ZSCAN20: variants seen among roughly 807,000 people sequenced by gnomAD.
The protein encoded by ZSCAN20 is zinc finger and SCAN domain containing 20.
A neutral mutation model predicts 97.1 loss-of-function variants in ZSCAN20; 39 were observed. The observed-to-expected ratio is 0.40, with a 90% CI of 0.31 to 0.52. The LOEUF is 0.52. Among genes scored for constraint, ZSCAN20 ranks in the 20% least tolerant of loss-of-function variants. The probability of loss-of-function intolerance (pLI) is 0.49; values close to 1 mark genes in which losing one functional copy is unlikely to be tolerated. For missense variants in ZSCAN20, 1,115 were observed against 1,290.4 expected, an observed-to-expected ratio of 0.86 and a Z score of 2.08; for synonymous variants, 456 against 467.3, an observed-to-expected ratio of 0.98 and a Z score of 0.31.
rs1267356124 is a variant in ZSCAN20 at position 33,495,374 on chromosome 1, A to G, written c.3030A>G (p.Thr1010=). The G allele has an allele frequency of 3.1e-6, 5 of 1,612,852 alleles. No homozygotes were observed. The Admixed American group carries it at 5.0e-5, about 16-fold the overall frequency. Reference sequence around the variant, plus strand: ...TTATTATTCACCAGAGAATCCACACAGGGGAGAAACCCTACAAGTGCACAG... The same window carrying G: ...TTATTATTCACCAGAGAATCCACACGGGGGAGAAACCCTACAAGTGCACAG... The part of the protein sequence containing the change: ...SSLIIHQRIH[T]GEKPYKCTEC... Residue 1010 remains threonine, a synonymous_variant, in exon 8 of 8, where the codon ACA becomes ACG. Transcript: ENST00000684572.
chr1:33,492,214 G>A (rs969200728), intron 6 of ZSCAN20: 1 of 152,590 alleles, frequency 6.6e-6, no homozygotes, highest in African/African-American at 2.4e-5. Context: ...TCCATGAGAT[G>A]AGGCGTCTTA....
In ZSCAN20 at chr1:33,501,085, C is replaced by T. The variant is rs760050319; in HGVS notation, c.*5609C>T. On this transcript the variant is annotated 3_prime_UTR_variant, in exon 8 of 8. Coordinates refer to ENST00000684572, the MANE Select transcript of ZSCAN20 (RefSeq NM_001377376.1). The stretch of plus-strand genomic sequence containing the variant: ...GAAACCCTCCACTGCAGACTTCACC[C>T]AGGGGGCAAGGCAGGAGAGAATCCC... 3.3e-5 allele frequency among the ~76,000 whole-genome samples: 5 copies of T among 152,132 alleles called. No homozygotes were observed. The highest frequency in any genetic ancestry group is 7.3e-5 in the Non-Finnish European group (5 of 68,032).
Position 33,496,489 on chromosome 1 carries a change from G to C in ZSCAN20, c.*1013G>C, listed in dbSNP as rs949056745. 1 of 152,146 alleles carries C rather than the reference G, an allele frequency of 6.6e-6. No homozygotes were observed. Among genetic ancestry groups the C allele is most frequent in the African/African-American group, 2.4e-5 (1 of 41,418 alleles). 9.4% of individuals were successfully genotyped at this position (152,146 alleles called of 1,614,324 possible). On this transcript the variant is annotated 3_prime_UTR_variant, in exon 8 of 8. Coordinates refer to ENST00000684572, the MANE Select transcript of ZSCAN20 (RefSeq NM_001377376.1). Reference sequence around the variant, plus strand: ...TAATATGGGTGAGAGATATAGGTGGGTTGAGATTGGGAAAAATATGCGGCC... The same window carrying C: ...TAATATGGGTGAGAGATATAGGTGGCTTGAGATTGGGAAAAATATGCGGCC...
intron 2 of ZSCAN20, among the ~76,000 whole-genome samples, chr1:33,485,703 G>A (rs1307410027): frequency 1.3e-5 from 2 of 152,016 alleles, no homozygotes; most frequent in East Asian, 3.9e-4. Flanking sequence ...GTGAGCCATC[G>A]TGCCTGGACT....
rs1415426638 is a variant in ZSCAN20 at position 33,497,033 on chromosome 1, T to G, written c.*1557T>G. Among the ~76,000 whole-genome samples, 1 of 152,216 alleles carries G rather than the reference T, an allele frequency of 6.6e-6. No homozygotes were observed. Among genetic ancestry groups the G allele is most frequent in the African/African-American group, 2.4e-5 (1 of 41,450 alleles). On this transcript the variant is annotated 3_prime_UTR_variant, in exon 8 of 8. Transcript: ENST00000684572. ...GGAAAATCCCCCTCCTGCCATCCTCTTATGACACTAGGATGTATTCATAAC... is the reference window on the plus strand; with the variant it reads ...GGAAAATCCCCCTCCTGCCATCCTCGTATGACACTAGGATGTATTCATAAC...
rs201540685 is a variant in ZSCAN20 at position 33,494,302 on chromosome 1, C to T, written c.1958C>T (p.Pro653Leu). Residue 653 changes from proline (P) to leucine (L), a missense_variant, in exon 8 of 8, where the codon CCT (proline) becomes CTT (leucine). Pro to Leu is a moderately conservative substitution (Grantham distance 98, BLOSUM62 -3). Around this residue, in one of 3 missense-constraint regions of ZSCAN20, gnomAD observed 554 missense variants for 584.9 expected, o/e 0.95. Transcript: ENST00000684572. The stretch of plus-strand genomic sequence containing the variant: ...TTGCCTGGAGCCTTATCAAAATGTC[C>T]TACAGAAGCTGTTTGCCAACCTCTT... Reference protein sequence around the residue: ...EGLPGALSKCPTEAVCQPLDW... With the variant: ...EGLPGALSKCLTEAVCQPLDW... 9 of 1,613,998 alleles carry T rather than the reference C, an allele frequency of 5.6e-6. No homozygotes were observed. The highest frequency in any genetic ancestry group is 7.6e-6 in the Non-Finnish European group (9 of 1,179,966).
At chr1:33,489,283 C>T (rs949111852) in intron 4 of ZSCAN20, 92 bp downstream of exon 4, 3 of 1,366,068 alleles carry the variant, frequency 2.2e-6, no homozygotes, top group Non-Finnish European at 3.1e-6. Context: ...GACCTCTGCT[C>T]AGCAAAAGGG....
Position 33,493,621 on chromosome 1 carries a change from C to T in ZSCAN20, c.1873+6C>T, listed in dbSNP as rs545718283. 1.9e-6 allele frequency: 3 copies of T among 1,544,728 alleles called. No individual in the cohort carries two copies. In the African/African-American group the frequency reaches 4.1e-5, roughly 21 times the overall value. On this transcript the variant is annotated splice_donor_region_variant and intron_variant, in intron 7 of 7. Transcript: ENST00000684572. The surrounding 1 kb of genome is among the most constrained non-coding windows in gnomAD (Gnocchi z 4.3). Reference sequence around the variant, plus strand: ...TCCTAAAGCCCCAGACATGGGTAAGCCTGGAGTAATTGGATGTTCTCAAAA... The same window carrying T: ...TCCTAAAGCCCCAGACATGGGTAAGTCTGGAGTAATTGGATGTTCTCAAAA...
At position 33,489,104 on chromosome 1, in the gene ZSCAN20, C is replaced by T; in HGVS notation, c.605-11C>T. 4 of 1,604,338 alleles carry T rather than the reference C, an allele frequency of 2.5e-6. No individual in the cohort carries two copies. The highest frequency in any genetic ancestry group is 3.4e-6 in the Non-Finnish European group (4 of 1,174,214). Reference sequence around the variant, plus strand: ...AGAGCTTGGGTTTCAGTGACTTTTTCTTTTCCTCAGCTGTCCTCACTCCCC... The same window carrying T: ...AGAGCTTGGGTTTCAGTGACTTTTTTTTTTCCTCAGCTGTCCTCACTCCCC... On this transcript the variant is annotated splice_polypyrimidine_tract_variant and intron_variant, in intron 3 of 7. Coordinates refer to ENST00000684572, the MANE Select transcript of ZSCAN20 (RefSeq NM_001377376.1).
In ZSCAN20 at chr1:33,495,326, A is replaced by G; in HGVS notation, c.2982A>G (p.Lys994=). 1 of 1,613,546 alleles carries G rather than the reference A, an allele frequency of 6.2e-7. No individual in the cohort carries two copies. Among genetic ancestry groups the G allele is most frequent in the Non-Finnish European group, 8.5e-7 (1 of 1,179,628 alleles). The change falls in exon 8 of 8, where the codon AAA becomes AAG. Residue 994 remains lysine, a synonymous_variant. Transcript: ENST00000684572. ...CGTATAAGTGCAGAGAGTGTGGGAAATGCTTTAACCAGAGCTCCAGTCTTA... is the reference window on the plus strand; with the variant it reads ...CGTATAAGTGCAGAGAGTGTGGGAAGTGCTTTAACCAGAGCTCCAGTCTTA... ...EKPYKCRECG[K]CFNQSSSLII...
rs1290173278 is a variant in ZSCAN20, at chr1:33,500,795, T to C, written c.*5319T>C. Among the ~76,000 whole-genome samples the C allele has an allele frequency of 6.6e-6, 1 of 151,494 alleles. No homozygotes were observed. Among genetic ancestry groups the C allele is most frequent in the African/African-American group, 2.4e-5 (1 of 41,182 alleles). ...TCTCTAAGCTGGTCCTGGAGCAGCA[T>C]GACAGATGTATCTGAGCCCAAGCAG... On this transcript the variant is annotated 3_prime_UTR_variant, in exon 8 of 8. Coordinates refer to ENST00000684572, the MANE Select transcript of ZSCAN20 (RefSeq NM_001377376.1).
chr1:33,487,304 G>C (rs1313791310), intron 2 of ZSCAN20, among the ~76,000 whole-genome samples: 1 of 152,114 alleles, frequency 6.6e-6, no homozygotes, highest in Non-Finnish European at 1.5e-5. Context: ...TAAAAGTTAG[G>C]TGTTTCTATA....
rs200292603 is a variant in ZSCAN20, at chr1:33,495,062, C to G, written c.2718C>G (p.Ala906=). ...CGGGAGAGAAACCATATGAATGTGC[C>G]GAATGTGGGAAAAGCTTCAGTAAGA... The part of the protein sequence containing the change: ...IHTGEKPYEC[A]ECGKSFSKSS... The change falls in exon 8 of 8, where the codon GCC becomes GCG. Residue 906 remains alanine, a synonymous_variant. Transcript: ENST00000684572. 1.2e-6 allele frequency: 2 copies of G among 1,611,692 alleles called. No individual in the cohort carries two copies. Among genetic ancestry groups the G allele is most frequent in the Admixed American group, 3.3e-5 (2 of 59,840 alleles).
intron 2 of ZSCAN20, among the ~76,000 whole-genome samples, chr1:33,487,356 G>T (rs1474694947): frequency 1.3e-5 from 2 of 152,180 alleles, no homozygotes; most frequent in East Asian, 3.8e-4. Context: ...TATAGCCTGG[G>T]TAACACCTTG....
intron 1 of ZSCAN20, among the ~76,000 whole-genome samples, chr1:33,477,531 A>G (rs1435649263): frequency 6.6e-6 from 1 of 151,914 alleles, no homozygotes; most frequent in East Asian, 1.9e-4. Context: ...TGGGACACAC[A>G]TAGATACGCA....
chr1:33,491,794 C>A lies in ZSCAN20; in HGVS notation c.1444+92C>A. ...TGAGGTCAGGGCACAGGCTGCAAGT[C>A]TGGATTGAAGCCACTAGAGTGAAGA... On this transcript the variant is annotated intron_variant, in intron 6 of 7. Coordinates refer to ENST00000684572, the MANE Select transcript of ZSCAN20 (RefSeq NM_001377376.1). This position sits in a 1 kb window ranked among gnomAD's most constrained non-coding sequence, Gnocchi z 4.3. The A allele has an allele frequency of 7.4e-7, 1 of 1,359,660 alleles. No homozygotes were observed. The highest frequency in any genetic ancestry group is 1.5e-5 in the South Asian group (1 of 65,446). 84.2% of individuals were successfully genotyped at this position (1,359,660 alleles called of 1,614,324 possible). A position where few individuals can be genotyped will look rare whatever the true frequency, so the allele number is the denominator to read the frequency against.
At position 33,493,480 on chromosome 1, in the gene ZSCAN20, A is replaced by G. The variant is rs760956186; in HGVS notation, c.1738A>G (p.Thr580Ala). 1 of 1,614,062 alleles carries G rather than the reference A, an allele frequency of 6.2e-7. No individual in the cohort carries two copies. The highest frequency in any genetic ancestry group is 8.5e-7 in the Non-Finnish European group (1 of 1,180,044). Residue 580 changes from threonine (T) to alanine (A), a missense_variant, in exon 7 of 8, where the codon ACT becomes GCT. This residue lies in a region of ZSCAN20 where 554 missense variants were observed against 584.9 expected (regional missense o/e 0.95). Transcript: ENST00000684572. The surrounding 1 kb of genome is among the most constrained non-coding windows in gnomAD (Gnocchi z 4.3). ...RARAAVRAMGTVREAAGLPRC... is the reference protein window; with the variant it reads ...RARAAVRAMGAVREAAGLPRC... Reference sequence around the variant, plus strand: ...TCGGGCTGCAGTCAGGGCCATGGGGACTGTCCGAGAGGCTGCAGGTCTCCC... The same window carrying G: ...TCGGGCTGCAGTCAGGGCCATGGGGGCTGTCCGAGAGGCTGCAGGTCTCCC...
chr1:33,493,300 A>G lies in ZSCAN20; in HGVS notation c.1558A>G (p.Ile520Val). Residue 520 changes from isoleucine to valine, a missense_variant, in exon 7 of 8, where the codon ATT becomes GTT. Physicochemically the swap from Ile to Val is conservative, Grantham distance 29 (BLOSUM62 3). Around this residue, in one of 3 missense-constraint regions of ZSCAN20, gnomAD observed 53 missense variants for 94.3 expected, o/e 0.56. Coordinates refer to ENST00000684572, the MANE Select transcript of ZSCAN20 (RefSeq NM_001377376.1). This position sits in a 1 kb window ranked among gnomAD's most constrained non-coding sequence, Gnocchi z 4.3. ...CCAGAACAGCCAGGTGTACCGGGCC[A>G]TTGCAGAGCGGCTGTGTGCTCTGGG... ...CHQNSQVYRA[I>V]AERLCALGFL... 1 of 1,614,190 alleles carries G rather than the reference A, an allele frequency of 6.2e-7. No individual in the cohort carries two copies. Among genetic ancestry groups the G allele is most frequent in the South Asian group, 1.1e-5 (1 of 91,080 alleles).
rs1013410073 is a variant in ZSCAN20 at position 33,495,532 on chromosome 1, G to A, written c.*56G>A. 239 of 1,400,546 alleles carry A rather than the reference G, an allele frequency of 1.7e-4. 1 individual carries two copies. Among genetic ancestry groups the A allele is most frequent in the South Asian group, 1.1e-3 (51 of 46,218 alleles). The allele number at this position is 1,400,546 out of a possible 1,614,324, so 86.8% of individuals were successfully genotyped here. On this transcript the variant is annotated 3_prime_UTR_variant, in exon 8 of 8. Transcript: ENST00000684572. ...TCAATGTATATATCTTATATCATAAGATGTATGCTAGAGATAAACTTTCCA... is the reference window on the plus strand; with the variant it reads ...TCAATGTATATATCTTATATCATAAAATGTATGCTAGAGATAAACTTTCCA...
Sources: gnomAD v4.1 joint callset for allele counts (sites outside exome capture counted in the v4.1 genomes callset) on GRCh38, gnomAD v4.1.1 for gene constraint, gnomAD v4.1.1 regional missense constraint, Gnocchi (gnomAD v3.1) non-coding constraint, MANE v1.5 for transcripts, NCBI Gene and HGNC (gene_info 2026-07-23, HGNC 2026-07-21) for gene names.